Variants in FBXL19 observed in about 807,000 individuals in gnomAD.
FBXL19 encodes F-box and leucine rich repeat protein 19.
FBXL19 carries 16 observed loss-of-function variants against 71.2 expected under a neutral mutation model. The observed-to-expected ratio is 0.22, with a 90% CI of 0.15 to 0.34. The LOEUF is 0.34. Among genes scored for constraint, FBXL19 ranks in the 10% least tolerant of loss-of-function variants. The pLI is 1.00. For synonymous variants in FBXL19, 447 were observed against 409.4 expected (o/e 1.09, Z -1.11); for missense variants, 658 against 968.2 (o/e 0.68, Z 4.25).
chr16:30,943,644 G>C (rs1432839232), intron 9 of FBXL19, among the ~76,000 whole-genome samples: 1 of 152,038 alleles, frequency 6.6e-6, no homozygotes, highest in African/African-American at 2.4e-5. Flanking sequence ...AAAGTGCTGG[G>C]ATTACAGGTG....
Position 30,947,176 on chromosome 16 carries a change from G to C in FBXL19, c.1971G>C (p.Gly657=), listed in dbSNP as rs1199397370. The change falls in exon 11 of 11, where the codon GGG becomes GGC. Residue 657 remains glycine, a synonymous_variant. Transcript: ENST00000338343. ...PEACARLAAA[G]PPGPFRCPEE... ...CTTGTGCCCGGCTGGCAGCTGCCGG[G>C]CCCCCTGGCCCCTTCCGCTGCCCTG... is the stretch of plus-strand genomic sequence containing the variant. 1.3e-6 allele frequency: 2 copies of C among 1,599,240 alleles called. No individual in the cohort carries two copies. The highest frequency in any genetic ancestry group is 8.5e-7 in the Non-Finnish European group (1 of 1,179,418).
intron 7 of FBXL19, among the ~76,000 whole-genome samples, chr16:30,933,294 C>T (rs2055695786): frequency 1.3e-5 from 2 of 151,860 alleles, no homozygotes; most frequent in Non-Finnish European, 2.9e-5. Flanking sequence ...TGAGCCACTG[C>T]GCCTGGCCTA....
intron 7 of FBXL19, among the ~76,000 whole-genome samples, chr16:30,933,348 A>C (rs558693788): frequency 6.6e-6 from 1 of 152,130 alleles, no homozygotes; most frequent in African/African-American, 2.4e-5. Context: ...CATATTGGTC[A>C]GGCTGGTCTC....
chr16:30,928,276 AG>A (rs1371783109), intron 5 of FBXL19, among the ~76,000 whole-genome samples, 190 bp from the exon 6 acceptor site: 1 of 151,430 alleles, frequency 6.6e-6, no homozygotes, highest in Admixed American at 6.6e-5. Context: ...GCCTGAGGGG[AG>A]GAAAGAGGAG....
In FBXL19 at chr16:30,927,310, C is replaced by T. The variant is rs2055603450; in HGVS notation, c.180C>T (p.Pro60=). Residue 60 remains proline (P), a splice_region_variant and synonymous_variant, in exon 3 of 11, where the codon CCC becomes CCT. Coordinates refer to ENST00000338343, the MANE Select transcript of FBXL19 (RefSeq NM_001382779.1). ...QSCLLRQCTA[P]VLPHTAVCLL... ...TGATGTCCCCTCTCCCCCAACAGCCCGTGCTCCCACACACAGCTGTGTGCC... is the reference window on the plus strand; with the variant it reads ...TGATGTCCCCTCTCCCCCAACAGCCTGTGCTCCCACACACAGCTGTGTGCC... 4 of 1,562,402 alleles carry T rather than the reference C, an allele frequency of 2.6e-6. No individual in the cohort carries two copies. Among genetic ancestry groups the T allele is most frequent in the Non-Finnish European group, 3.5e-6 (4 of 1,153,418 alleles).
chr16:30,935,766 T>C (rs1233207279), intron 7 of FBXL19, among the ~76,000 whole-genome samples: 3 of 151,916 alleles, frequency 2.0e-5, no homozygotes, highest in South Asian at 2.1e-4. Context: ...AGGATTGGAA[T>C]TGAGGGTTTG....
upstream of FBXL19, among the ~76,000 whole-genome samples, chr16:30,923,465 G>C (rs2055548524): frequency 6.6e-6 from 1 of 151,328 alleles, no homozygotes; most frequent in South Asian, 2.1e-4. Context: ...TGGAGGTGGT[G>C]GAGGAAGGAG....
In FBXL19 at chr16:30,928,647, C is replaced by T. The variant is rs749394811; in HGVS notation, c.789+19C>T. The T allele has an allele frequency of 4.0e-6, 6 of 1,508,686 alleles. No homozygotes were observed. In the African/African-American group the frequency reaches 5.7e-5, roughly 14 times the overall value. 93.5% of individuals were successfully genotyped at this position (1,508,686 alleles called of 1,614,324 possible). On this transcript the variant is annotated intron_variant, in intron 6 of 10. Coordinates refer to ENST00000338343, the MANE Select transcript of FBXL19 (RefSeq NM_001382779.1). ...CTGGGAGGTGTGCCGGGGACCTCCT[C>T]CCTCCCCTTCCCACCTTCCCTTGCC...
At chr16:30,924,903 C>T in intron 1 of FBXL19, 1 of 605,058 alleles carries the variant, frequency 1.7e-6, no homozygotes, top group Non-Finnish European at 2.6e-6. Context: ...AGCTGGGGGT[C>T]CTAGGACTGA....
chr16:30,924,506 A>G, intron 1 of FBXL19, 47 bp downstream of exon 1: 1 of 729,394 alleles, frequency 1.4e-6, no homozygotes, highest in Non-Finnish European at 1.9e-6. Context: ...GGCAGCGCCC[A>G]CTCCCATTCA....
rs746141232 is a variant in FBXL19 at position 30,942,795 on chromosome 16, A to G, written c.1627+259A>G. Among the ~76,000 whole-genome samples the G allele has an allele frequency of 3.3e-5, 5 of 152,182 alleles. No individual in the cohort carries two copies. Among genetic ancestry groups the G allele is most frequent in the Non-Finnish European group, 5.9e-5 (4 of 68,028 alleles). On this transcript the variant is annotated intron_variant, in intron 9 of 10. Transcript: ENST00000338343. This position sits in a 1 kb window ranked among gnomAD's most constrained non-coding sequence, Gnocchi z 5.7. The stretch of plus-strand genomic sequence containing the variant: ...CAGTTTGGTGGGGCAGGAGGCCCAT[A>G]TTGGCAGAGGGGGATGCTGGGAGCA...
At position 30,947,112 on chromosome 16, in the gene FBXL19, G is replaced by A. The variant is rs746813130; in HGVS notation, c.1907G>A (p.Arg636His). The change falls in exon 11 of 11, where the codon CGC becomes CAC. Residue 636 changes from arginine to histidine, a missense_variant. Arg to His is a conservative substitution (Grantham distance 29). Coordinates refer to ENST00000338343, the MANE Select transcript of FBXL19 (RefSeq NM_001382779.1). ...PLFRRCPRLR[R>H]LDLRSCRQLS... ...TTCCGCCGCTGCCCTCGTCTACGCC[G>A]CCTAGACCTGCGCTCCTGCCGCCAG... is the stretch of plus-strand genomic sequence containing the variant. The A allele has an allele frequency of 6.3e-6, 10 of 1,598,780 alleles. No individual in the cohort carries two copies. The highest frequency in any genetic ancestry group is 7.6e-6 in the Non-Finnish European group (9 of 1,178,522).
Position 30,930,621 on chromosome 16 carries a change from C to T in FBXL19, c.1301+37C>T. 1 of 1,403,180 alleles carries T rather than the reference C, an allele frequency of 7.1e-7. No individual in the cohort carries two copies. The allele number at this position is 1,403,180 out of a possible 1,614,324, so 86.9% of individuals were successfully genotyped here. ...GGACAGGCCTGCGTTCCGTGGCCAG[C>T]AGGCTTCCCGCTTGCTGGGTGACCT... On this transcript the variant is annotated intron_variant, in intron 7 of 10. Transcript: ENST00000338343. The surrounding 1 kb of genome is among the most constrained non-coding windows in gnomAD (Gnocchi z 8.5).
intron 4 of FBXL19, 33 bp from the exon 5 acceptor site, chr16:30,927,712 C>T: frequency 1.3e-6 from 2 of 1,555,926 alleles, no homozygotes; most frequent in Non-Finnish European, 1.7e-6. Context: ...GGGAGCTGTG[C>T]AGGTCCTCAC....
At chr16:30,929,130 C>T (rs1055598639) in intron 6 of FBXL19, among the ~76,000 whole-genome samples, 1 of 152,192 alleles carries the variant, frequency 6.6e-6, no homozygotes, top group African/African-American at 2.4e-5. Flanking sequence ...CCAAGTCACA[C>T]AGTAAAGCCA....
intron 7 of FBXL19, among the ~76,000 whole-genome samples, chr16:30,936,485 C>T (rs151315073): frequency 0.011 from 1,638 of 149,618 alleles, 32 homozygotes; most frequent in African/African-American, 0.037. Context: ...CCCAGGCTGG[C>T]GACAATCTCG....
chr16:30,924,605 C>T (rs1452851071), intron 1 of FBXL19, 146 bp downstream of exon 1: 7 of 1,367,428 alleles, frequency 5.1e-6, no homozygotes, highest in Non-Finnish European at 6.6e-6. Flanking sequence ...TTCCTATGAC[C>T]TCTCCACCCT....
In FBXL19 at chr16:30,948,551, T is replaced by G. The variant is rs908870361; in HGVS notation, c.*1321T>G. On this transcript the variant is annotated 3_prime_UTR_variant, in exon 11 of 11. Transcript: ENST00000338343. ...GGCTTACCATGTAGGGGAGGGGAGATCTATCCACATACCTCAGGTAACAGG... is the reference window on the plus strand; with the variant it reads ...GGCTTACCATGTAGGGGAGGGGAGAGCTATCCACATACCTCAGGTAACAGG... 3 of 139,372 alleles carry G rather than the reference T, an allele frequency of 2.2e-5. No homozygotes were observed. Among genetic ancestry groups the G allele is most frequent in the African/African-American group, 5.4e-5 (2 of 37,280 alleles). The allele number at this position is 139,372 out of a possible 1,614,324, so 8.6% of individuals were successfully genotyped here. A position where few individuals can be genotyped will look rare whatever the true frequency, so the allele number is the denominator to read the frequency against.
chr16:30,926,335 C>T (rs957401755), intron 2 of FBXL19, among the ~76,000 whole-genome samples: 5 of 152,212 alleles, frequency 3.3e-5, no homozygotes, highest in African/African-American at 1.2e-4. Context: ...CTAAGCTCAC[C>T]CTTTATGTGA....
Sources: gnomAD v4.1 joint callset for allele counts (sites outside exome capture counted in the v4.1 genomes callset) on GRCh38, gnomAD v4.1.1 for gene constraint, Gnocchi (gnomAD v3.1) non-coding constraint, MANE v1.5 for transcripts, NCBI Gene and HGNC (gene_info 2026-07-23, HGNC 2026-07-21) for gene names.